Variants in NCKAP5 observed in about 807,000 individuals in gnomAD.
The protein encoded by NCKAP5 is NCK associated protein 5.
In NCKAP5, 92 loss-of-function variants were observed where a neutral mutation model predicts 167.0. That is an observed-to-expected ratio of 0.55 (90% CI 0.47 to 0.66). NCKAP5 has a LOEUF of 0.66. Among genes scored for constraint, NCKAP5 ranks in the 30% least tolerant of loss-of-function variants. The probability of loss-of-function intolerance (pLI) is 0.00; values close to 1 mark genes in which losing one functional copy is unlikely to be tolerated. For synonymous variants in NCKAP5, 891 were observed against 877.4 expected, an observed-to-expected ratio of 1.02 and a Z score of -0.27; for missense variants, 2,378 against 2,315.0, an observed-to-expected ratio of 1.03 and a Z score of -0.56.
chr2:133,671,044 T>C, the NCKAP5 span, among the ~76,000 whole-genome samples: 1 of 151,588 alleles, frequency 6.6e-6, no homozygotes, highest in African/African-American at 2.4e-5. Context: ...TGAAACCCCA[T>C]CTCTACTAAA....
intron 2 of NCKAP5, among the ~76,000 whole-genome samples, chr2:133,553,978 T>C (rs1274630391): frequency 1.3e-5 from 2 of 152,220 alleles, no homozygotes; most frequent in African/African-American, 2.4e-5. Flanking sequence ...GTGTCAAGTG[T>C]CAGACCTCAG....
chr2:133,471,707 T>G (rs1349603028), intron 3 of NCKAP5, among the ~76,000 whole-genome samples: 1 of 152,074 alleles, frequency 6.6e-6, no homozygotes, highest in African/African-American at 2.4e-5. Context: ...TAGGCTAAAC[T>G]CCTCTTGCAT....
intron 15 of NCKAP5, among the ~76,000 whole-genome samples, chr2:132,775,319 T>C (rs1205128398): frequency 6.6e-6 from 1 of 152,238 alleles, no homozygotes; most frequent in Admixed American, 6.5e-5. Flanking sequence ...ATTTTATGAC[T>C]GCAGTTTCAA....
Position 132,785,310 on chromosome 2 carries a change from TG to T in NCKAP5, c.1500del (p.Ser501ValfsTer3). 6.2e-7 allele frequency: 1 copy of T among 1,608,816 alleles called. No individual in the cohort carries two copies. The highest frequency in any genetic ancestry group is 8.5e-7 in the Non-Finnish European group (1 of 1,176,942). ...TCGGAAACACTGTGGGTTAATTTAC[TG>T]CCATGTGGCCTGCAGCTCTGGTTTG... ...AVPNQSCRPHGSKLTHSVSDS... is the reference protein window; with the variant it reads ...AVPNQSCRPHXSKLTHSVSDS... On this transcript the variant is annotated frameshift_variant, in exon 14 of 20. Coordinates refer to ENST00000409261, the MANE Select transcript of NCKAP5 (RefSeq NM_207363.3). LOFTEE classifies it high-confidence loss of function.
rs1334504956 is a variant in NCKAP5 at position 133,549,237 on chromosome 2, G to A, written c.-62+9813C>T. Among the ~76,000 whole-genome samples, 3 of 151,980 alleles carry A rather than the reference G, an allele frequency of 2.0e-5. No individual in the cohort carries two copies. In the East Asian group the frequency reaches 5.8e-4, roughly 29 times the overall value. The stretch of plus-strand genomic sequence containing the variant: ...CACCCAGGTTCATAAAGCAAGTCCT[G>A]AGTGACCTACAAAGAGACTTAGACT... On this transcript the variant is annotated intron_variant, in intron 2 of 19. Transcript: ENST00000409261.
At chr2:132,755,779 C>T (rs984286482) in intron 16 of NCKAP5, among the ~76,000 whole-genome samples, 33 of 150,330 alleles carry the variant, frequency 2.2e-4, no homozygotes, top group African/African-American at 6.6e-4. Flanking sequence ...TGCAGTGAGC[C>T]GAGATCGTGC....
chr2:133,528,255 T>C (rs1429317392), intron 2 of NCKAP5, among the ~76,000 whole-genome samples: 1 of 152,146 alleles, frequency 6.6e-6, no homozygotes, highest in Non-Finnish European at 1.5e-5. Context: ...CATATAGTCA[T>C]TTCTTTTCTT....
At chr2:133,626,697 T>C in the NCKAP5 span, among the ~76,000 whole-genome samples, 644 of 152,200 alleles carry the variant, frequency 4.2e-3, 3 homozygotes, top group African/African-American at 0.012. Flanking sequence ...TCTAATGATA[T>C]AATGTCTGGG....
chr2:133,560,512 T>C (rs1688078146), intron 1 of NCKAP5, among the ~76,000 whole-genome samples: 1 of 152,154 alleles, frequency 6.6e-6, no homozygotes, highest in South Asian at 2.1e-4. Flanking sequence ...CAGGAAGTGT[T>C]CTTTAGGCTG....
intron 7 of NCKAP5, among the ~76,000 whole-genome samples, chr2:132,979,956 G>A (rs536928552): frequency 6.6e-6 from 1 of 151,574 alleles, no homozygotes; most frequent in Non-Finnish European, 1.5e-5. Context: ...GCCAAGCCTT[G>A]CAGTACAATG....
the NCKAP5 span, among the ~76,000 whole-genome samples, chr2:133,603,573 C>T: frequency 6.7e-6 from 1 of 149,830 alleles, no homozygotes; most frequent in African/African-American, 2.5e-5. Context: ...CGGAGTCTTG[C>T]TCTTGTTGCC....
At chr2:132,860,737 G>T in intron 10 of NCKAP5, 126 bp from the exon 11 acceptor site, 1 of 1,204,066 alleles carries the variant, frequency 8.3e-7, no homozygotes, top group Non-Finnish European at 1.1e-6. Context: ...AAAGCCCCCA[G>T]AAGTAAATCA....
At chr2:132,891,371 A>G (rs1298341343) in intron 8 of NCKAP5, among the ~76,000 whole-genome samples, 1 of 152,322 alleles carries the variant, frequency 6.6e-6, no homozygotes, top group South Asian at 2.1e-4. Flanking sequence ...GCTAGTGCTC[A>G]AGATGGATCA....
intron 6 of NCKAP5, among the ~76,000 whole-genome samples, chr2:133,014,232 G>T (rs1000813960): frequency 5.3e-5 from 8 of 152,240 alleles, no homozygotes; most frequent in Non-Finnish European, 8.8e-5. Flanking sequence ...ATGTCTCCCT[G>T]TTCTTCCTCA....
intron 3 of NCKAP5, among the ~76,000 whole-genome samples, chr2:133,446,076 G>A (rs930626101): frequency 6.6e-6 from 1 of 152,088 alleles, no homozygotes; most frequent in Admixed American, 6.5e-5. Flanking sequence ...GAGGAGGTGA[G>A]AACCAAACAA....
intron 8 of NCKAP5, among the ~76,000 whole-genome samples, chr2:132,919,196 C>T (rs1379436586): frequency 6.6e-6 from 1 of 152,118 alleles, no homozygotes; most frequent in African/African-American, 2.4e-5. Context: ...AGTGGTGATA[C>T]AGCCTTCTTG....
intron 7 of NCKAP5, among the ~76,000 whole-genome samples, chr2:132,973,581 T>C (rs1384031387): frequency 2.6e-5 from 4 of 152,158 alleles, no homozygotes; most frequent in Non-Finnish European, 5.9e-5. Flanking sequence ...GAGAAATAAA[T>C]ACTTAAAACA....
chr2:133,409,329 C>T (rs1253379108), intron 3 of NCKAP5, among the ~76,000 whole-genome samples: 3 of 152,216 alleles, frequency 2.0e-5, no homozygotes, highest in African/African-American at 7.2e-5. Context: ...ACCATCTTTA[C>T]TGAAAGGTTT....
intron 10 of NCKAP5, among the ~76,000 whole-genome samples, chr2:132,865,842 A>G (rs527708061): frequency 6.6e-6 from 1 of 152,212 alleles, no homozygotes; most frequent in Admixed American, 6.5e-5. Flanking sequence ...GTCCTACCTC[A>G]CGGGGCTGCC....
Sources: allele counts gnomAD v4.1 joint callset (sites outside exome capture counted in the v4.1 genomes callset), GRCh38; gene constraint gnomAD v4.1.1; transcripts MANE v1.5; gene names NCBI Gene and HGNC (gene_info 2026-07-23, HGNC 2026-07-21).